The following GPC5 variants were observed in gnomAD, a reference collection of about 807,000 sequenced individuals.
GPC5 encodes the protein glypican-5.
GPC5 carries 47 observed loss-of-function variants against 53.9 expected under a neutral mutation model. The ratio of observed to expected loss-of-function variants is 0.87; its 90% CI spans 0.69 to 1.11. The LOEUF is 1.11. Among genes scored for constraint, GPC5 ranks in the 50% most tolerant of loss-of-function variants. The pLI is 0.00. For synonymous variants in GPC5, 286 were observed against 263.3 expected, an observed-to-expected ratio of 1.09 and a Z score of -0.84; for missense variants, 748 against 713.1, an observed-to-expected ratio of 1.05 and a Z score of -0.56.
At chr13:92,270,985 A>T (rs7996483) in intron 7 of GPC5, among the ~76,000 whole-genome samples, 67,299 of 152,012 alleles carry the variant, frequency 0.44, 16,449 homozygotes, top group African/African-American at 0.66. Context: ...CACTACCTTT[A>T]GAAATATTTG....
intron 6 of GPC5, among the ~76,000 whole-genome samples, chr13:92,006,304 T>C (rs2040606288): frequency 6.6e-6 from 1 of 152,144 alleles, no homozygotes; most frequent in African/African-American, 2.4e-5. Flanking sequence ...CAGAAATATA[T>C]GTATATTTTG....
At chr13:92,361,085 A>G (rs566285366) in intron 7 of GPC5, among the ~76,000 whole-genome samples, 1 of 151,954 alleles carries the variant, frequency 6.6e-6, no homozygotes, top group East Asian at 1.9e-4. Context: ...ATGGAAATGC[A>G]GCCATTGTCG....
chr13:92,067,109 T>G (rs370221720), intron 6 of GPC5, among the ~76,000 whole-genome samples: 8 of 152,100 alleles, frequency 5.3e-5, no homozygotes, highest in African/African-American at 1.7e-4. Flanking sequence ...AAGTCTTTCT[T>G]GTTATTTTAA....
intron 7 of GPC5, among the ~76,000 whole-genome samples, chr13:92,261,469 G>A (rs182152844): frequency 2.0e-4 from 30 of 151,830 alleles, no homozygotes; most frequent in Non-Finnish European, 1.5e-5. Context: ...TGTAGTGAAT[G>A]GTTCAGTTTC....
intron 3 of GPC5, among the ~76,000 whole-genome samples, chr13:91,727,103 T>C (rs1409535493): frequency 6.6e-6 from 1 of 152,242 alleles, no homozygotes; most frequent in African/African-American, 2.4e-5. Context: ...TATATGACAG[T>C]TGCTATTTTA....
chr13:91,726,173 C>T (rs2036572440), intron 3 of GPC5, among the ~76,000 whole-genome samples: 1 of 152,066 alleles, frequency 6.6e-6, no homozygotes, highest in South Asian at 2.1e-4. Context: ...AGCCTTTTAC[C>T]ACCTTATCCT....
At chr13:92,314,206 G>A (rs944959924) in intron 7 of GPC5, among the ~76,000 whole-genome samples, 2 of 152,074 alleles carry the variant, frequency 1.3e-5, no homozygotes, top group African/African-American at 4.8e-5. Context: ...GTGGTTGCTA[G>A]GTATCTTGTA....
In GPC5 at chr13:92,795,873, A is replaced by G. The variant is rs186488637; in HGVS notation, c.1562-70409A>G. On this transcript the variant is annotated intron_variant, in intron 7 of 7. Coordinates refer to ENST00000377067, the MANE Select transcript of GPC5 (RefSeq NM_004466.6). Reference sequence around the variant, plus strand: ...AAAGGCACAAAACAACAGATGCTGGAGAGGATGTGGAGAAACAGGAACACT... The same window carrying G: ...AAAGGCACAAAACAACAGATGCTGGGGAGGATGTGGAGAAACAGGAACACT... 1.1e-3 allele frequency among the ~76,000 whole-genome samples: 171 copies of G among 152,238 alleles called. 1 individual carries two copies. The highest frequency in any genetic ancestry group is 4.0e-3 in the African/African-American group (167 of 41,546).
intron 5 of GPC5, among the ~76,000 whole-genome samples, chr13:91,783,432 T>A (rs1332386139): frequency 6.6e-6 from 1 of 152,102 alleles, no homozygotes; most frequent in African/African-American, 2.4e-5. Flanking sequence ...AGTTTTTACT[T>A]TAATTAATTT....
At chr13:92,265,404 A>T (rs1305054036) in intron 7 of GPC5, among the ~76,000 whole-genome samples, 1 of 152,084 alleles carries the variant, frequency 6.6e-6, no homozygotes, top group Non-Finnish European at 1.5e-5. Flanking sequence ...GCCTTTGGGG[A>T]TAGATACAAT....
intron 7 of GPC5, among the ~76,000 whole-genome samples, chr13:92,470,083 A>G (rs1046836649): frequency 6.6e-6 from 1 of 152,104 alleles, no homozygotes. Flanking sequence ...TTAAAAGGTA[A>G]TTTTCCCTGA....
rs574183249 is a variant in GPC5 at position 91,984,892 on chromosome 13, A to G, written c.1401+76835A>G. ...TTTGAGATTTGCTTTATGGTGTAAA[A>G]TATAATCTACCTTGGTAAATGTTCA... On this transcript the variant is annotated intron_variant, in intron 6 of 7. Coordinates refer to ENST00000377067, the MANE Select transcript of GPC5 (RefSeq NM_004466.6). 8.5e-5 allele frequency among the ~76,000 whole-genome samples: 13 copies of G among 152,332 alleles called. No individual in the cohort carries two copies. In the East Asian group the frequency reaches 2.5e-3, roughly 29 times the overall value.
At chr13:92,456,413 T>C (rs1878270012) in intron 7 of GPC5, among the ~76,000 whole-genome samples, 1 of 152,222 alleles carries the variant, frequency 6.6e-6, no homozygotes, top group African/African-American at 2.4e-5. Context: ...TATCAGTTAA[T>C]GAGTTGACAT....
intron 6 of GPC5, among the ~76,000 whole-genome samples, chr13:92,143,067 T>C (rs1392631518): frequency 1.3e-5 from 2 of 152,306 alleles, no homozygotes; most frequent in East Asian, 1.9e-4. Flanking sequence ...CAAAGTGCTT[T>C]GCATATGTTT....
At chr13:91,671,980 C>T (rs867571335) in intron 2 of GPC5, among the ~76,000 whole-genome samples, 4 of 151,558 alleles carry the variant, frequency 2.6e-5, no homozygotes, top group South Asian at 2.1e-4. Flanking sequence ...CTGACAAAAA[C>T]AAGCAATGGG....
chr13:92,715,263 T>C (rs937982607), intron 7 of GPC5, among the ~76,000 whole-genome samples: 2 of 152,140 alleles, frequency 1.3e-5, no homozygotes, highest in African/African-American at 4.8e-5. Flanking sequence ...GCATGTTTCT[T>C]GTTCAGATGA....
At chr13:92,429,009 CA>C (rs748670053) in intron 7 of GPC5, among the ~76,000 whole-genome samples, 2 of 151,718 alleles carry the variant, frequency 1.3e-5, no homozygotes, top group Admixed American at 1.3e-4. Flanking sequence ...TTTGGGGGGA[CA>C]AAATACTTTA....
chr13:92,610,575 G>A (rs1433555367), intron 7 of GPC5, among the ~76,000 whole-genome samples: 1 of 152,076 alleles, frequency 6.6e-6, no homozygotes, highest in Non-Finnish European at 1.5e-5. Context: ...ATTTCTGAAA[G>A]GAAAAATTAA....
intron 7 of GPC5, among the ~76,000 whole-genome samples, chr13:92,395,148 T>C (rs1594165044): frequency 6.6e-6 from 1 of 152,196 alleles, no homozygotes; most frequent in Non-Finnish European, 1.5e-5. Context: ...ATATCTAACA[T>C]ATTCAAAACT....
Sources: allele counts gnomAD v4.1 joint callset (sites outside exome capture counted in the v4.1 genomes callset), GRCh38; gene constraint gnomAD v4.1.1; transcripts MANE v1.5; gene names NCBI Gene and HGNC (gene_info 2026-07-23, HGNC 2026-07-21).